The following STIMATE variants were observed in gnomAD, a reference collection of about 807,000 sequenced individuals.
The protein encoded by STIMATE is store-operated calcium entry regulator STIMATE.
A neutral mutation model predicts 36.7 loss-of-function variants in STIMATE; 15 were observed. That is an observed-to-expected ratio of 0.41 (90% CI 0.27 to 0.63). The LOEUF (loss-of-function observed/expected upper bound fraction) is 0.63, where lower values mean the gene tolerates loss of function less well. Ranked by LOEUF, STIMATE falls within the 20% of genes least tolerant of loss-of-function variation. The probability of loss-of-function intolerance (pLI) is 0.32; values close to 1 mark genes in which losing one functional copy is unlikely to be tolerated. For missense variants in STIMATE, 305 were observed against 397.3 expected (o/e 0.77, Z 1.98); for synonymous variants, 163 against 162.3 (o/e 1.00, Z -0.03).
chr3:52,871,252 T>C (rs1021663251), intron 1 of STIMATE, among the ~76,000 whole-genome samples: 1 of 152,144 alleles, frequency 6.6e-6, no homozygotes, highest in Non-Finnish European at 1.5e-5. Flanking sequence ...GATCACACCA[T>C]GTGGACGAAC....
rs1199892484 is a variant in STIMATE, at chr3:52,838,264, G to A, written c.*2230C>T. On this transcript the variant is annotated 3_prime_UTR_variant, in exon 8 of 8. Coordinates refer to ENST00000355083, the MANE Select transcript of STIMATE (RefSeq NM_198563.5). ...CCATCTGAGATCTATATAACCCAGG[G>A]TTTGTTTCACAGCTTTCATAGATTA... 1 of 152,198 alleles carries A rather than the reference G, an allele frequency of 6.6e-6. No individual in the cohort carries two copies. Among genetic ancestry groups the A allele is most frequent in the African/African-American group, 2.4e-5 (1 of 41,440 alleles). 9.4% of individuals were successfully genotyped at this position (152,198 alleles called of 1,614,324 possible).
At chr3:52,859,936 T>C (rs1432314509) in intron 1 of STIMATE, among the ~76,000 whole-genome samples, 1 of 151,882 alleles carries the variant, frequency 6.6e-6, no homozygotes, top group Non-Finnish European at 1.5e-5. Flanking sequence ...AGGAGCACCT[T>C]TGATCAAGTT....
chr3:52,887,218 G>A (rs1701700259), intron 1 of STIMATE, among the ~76,000 whole-genome samples: 1 of 152,204 alleles, frequency 6.6e-6, no homozygotes, highest in Non-Finnish European at 1.5e-5. Context: ...TGTGTCCTTA[G>A]AAAATGCATG....
At chr3:52,896,566 T>C (rs958368367) in intron 1 of STIMATE, among the ~76,000 whole-genome samples, 1 of 151,966 alleles carries the variant, frequency 6.6e-6, no homozygotes, top group Middle Eastern at 3.4e-3. Flanking sequence ...ACTTAAAATA[T>C]AAAGAATAAA....
rs200465162 is a variant in STIMATE at position 52,843,769 on chromosome 3, T to C, written c.570A>G (p.Pro190=). 1.9e-6 allele frequency: 3 copies of C among 1,608,296 alleles called. No individual in the cohort carries two copies. The East Asian group carries it at 6.7e-5, about 36-fold the overall frequency. The part of the protein sequence containing the change: ...KVALLNPIEN[P]DLKLAIVMLI... Reference sequence around the variant, plus strand: ...GCATGACGATGGCCAGCTTCAAGTCTGGGTTTTCAATGGGATTCAACAGGG... The same window carrying C: ...GCATGACGATGGCCAGCTTCAAGTCCGGGTTTTCAATGGGATTCAACAGGG... The change falls in exon 6 of 8, where the codon CCA becomes CCG. Residue 190 remains proline, a synonymous_variant. Coordinates refer to ENST00000355083, the MANE Select transcript of STIMATE (RefSeq NM_198563.5).
chr3:52,879,132 C>T (rs1028829660), intron 1 of STIMATE, among the ~76,000 whole-genome samples: 2 of 152,192 alleles, frequency 1.3e-5, no homozygotes, highest in Non-Finnish European at 2.9e-5. Context: ...ACACATAAGA[C>T]CTTTGCCCTA....
chr3:52,857,615 G>C (rs189811509), intron 1 of STIMATE, among the ~76,000 whole-genome samples: 14 of 152,224 alleles, frequency 9.2e-5, no homozygotes, highest in Middle Eastern at 3.4e-3. Flanking sequence ...TGAAGTAACA[G>C]AGTGGCTGCA....
At chr3:52,890,004 T>G (rs1002667591) in intron 1 of STIMATE, among the ~76,000 whole-genome samples, 5 of 152,162 alleles carry the variant, frequency 3.3e-5, no homozygotes, top group African/African-American at 1.2e-4. Context: ...CGCTGGTCTC[T>G]TCTACGTGAA....
intron 1 of STIMATE, among the ~76,000 whole-genome samples, chr3:52,872,623 A>T (rs2106704905): frequency 6.6e-6 from 1 of 152,252 alleles, no homozygotes; most frequent in African/African-American, 2.4e-5. Flanking sequence ...TTAATTATCT[A>T]TTTTTTTAAT....
intron 1 of STIMATE, among the ~76,000 whole-genome samples, chr3:52,896,467 C>CT (rs1283116736): frequency 1.5e-4 from 23 of 152,102 alleles, no homozygotes; most frequent in Non-Finnish European, 2.8e-4. Flanking sequence ...AGAAGCCCCC[C>CT]CCCACCCCCC....
In STIMATE at chr3:52,845,017, C is replaced by A. The variant is rs1218625315; in HGVS notation, c.428-76G>T. ...AGATGATGTCCCCACCCCACTCCCCCACACGCACCCCAGAACACTGGCTCT... is the reference window on the plus strand; with the variant it reads ...AGATGATGTCCCCACCCCACTCCCCAACACGCACCCCAGAACACTGGCTCT... On this transcript the variant is annotated intron_variant, in intron 4 of 7. Transcript: ENST00000355083. The A allele has an allele frequency of 2.0e-6, 3 of 1,482,894 alleles. No homozygotes were observed. The African/African-American group carries it at 4.2e-5, about 21-fold the overall frequency. The allele number at this position is 1,482,894 out of a possible 1,614,324, so 91.9% of individuals were successfully genotyped here. A position where few individuals can be genotyped will look rare whatever the true frequency, so the allele number is the denominator to read the frequency against.
At chr3:52,895,961 G>T (rs748715672) in intron 1 of STIMATE, 4 of 1,289,430 alleles carry the variant, frequency 3.1e-6, no homozygotes, top group Non-Finnish European at 4.0e-6. Context: ...TATTACTGTG[G>T]GAACAAGTGG....
chr3:52,856,645 T>C (rs960462983), intron 1 of STIMATE, among the ~76,000 whole-genome samples: 38 of 151,872 alleles, frequency 2.5e-4, no homozygotes, highest in African/African-American at 7.3e-4. Flanking sequence ...GACTGCACCA[T>C]TGCACTCCTG....
chr3:52,861,707 T>C (rs1296711968), intron 1 of STIMATE, among the ~76,000 whole-genome samples: 2 of 152,138 alleles, frequency 1.3e-5, no homozygotes, highest in Admixed American at 1.3e-4. Flanking sequence ...TGTGTGTCCG[T>C]TTTCCCCACT....
intron 1 of STIMATE, among the ~76,000 whole-genome samples, chr3:52,871,456 C>T (rs906158807): frequency 5.3e-5 from 8 of 152,242 alleles, no homozygotes; most frequent in African/African-American, 1.7e-4. Context: ...AGCCAGCACA[C>T]GACCCTGGAT....
intron 2 of STIMATE, among the ~76,000 whole-genome samples, chr3:52,853,040 A>G (rs1199489525): frequency 6.6e-6 from 1 of 152,224 alleles, no homozygotes; most frequent in Non-Finnish European, 1.5e-5. Context: ...ACTCACAATG[A>G]GCTAAATTAT....
chr3:52,862,337 C>T lies in STIMATE; in HGVS notation c.161-6893G>A, dbSNP rs186390756. Among the ~76,000 whole-genome samples, 62 of 152,332 alleles carry T rather than the reference C, an allele frequency of 4.1e-4. 1 individual carries two copies. In the East Asian group the frequency reaches 9.6e-3, roughly 24 times the overall value. On this transcript the variant is annotated intron_variant, in intron 1 of 7. Transcript: ENST00000355083. ...TGCCTCCTAACAGGCTTCCCTGCTC[C>T]GATCTCTTCAACTGCCTTTCCTATC...
At chr3:52,857,870 C>A (rs1701136830) in intron 1 of STIMATE, among the ~76,000 whole-genome samples, 1 of 151,960 alleles carries the variant, frequency 6.6e-6, no homozygotes, top group Non-Finnish European at 1.5e-5. Flanking sequence ...CACCTCAGAG[C>A]GAGACTATTT....
chr3:52,893,863 G>A (rs1013384342), intron 1 of STIMATE, among the ~76,000 whole-genome samples: 1 of 152,162 alleles, frequency 6.6e-6, no homozygotes, highest in Non-Finnish European at 1.5e-5. Context: ...TGCACGGTGA[G>A]GGAGGCTTGA....
Sources: gnomAD v4.1 joint callset for allele counts (sites outside exome capture counted in the v4.1 genomes callset) on GRCh38, gnomAD v4.1.1 for gene constraint, MANE v1.5 for transcripts, NCBI Gene and HGNC (gene_info 2026-07-23, HGNC 2026-07-21) for gene names.